SLC16A10: variants seen among roughly 807,000 people sequenced by gnomAD.
The protein encoded by SLC16A10 is monocarboxylate transporter 10.
Under a neutral mutation model 40.0 loss-of-function variants are expected in SLC16A10, and 27 were observed. That is an observed-to-expected ratio of 0.67 (90% confidence interval 0.50 to 0.93). The LOEUF is 0.93. Among genes scored for constraint, SLC16A10 ranks in the 40% least tolerant of loss-of-function variants. The pLI is 0.00. For missense variants in SLC16A10, 529 were observed against 658.2 expected, an observed-to-expected ratio of 0.80 and a Z score of 2.15; for synonymous variants, 213 against 249.8, an observed-to-expected ratio of 0.85 and a Z score of 1.39.
intron 1 of SLC16A10, among the ~76,000 whole-genome samples, chr6:111,102,685 G>A (rs1371356883): frequency 2.0e-5 from 3 of 152,000 alleles, no homozygotes; most frequent in Non-Finnish European, 4.4e-5. Flanking sequence ...GCGGGGGATA[G>A]GAATGGAAAT....
intron 1 of SLC16A10, among the ~76,000 whole-genome samples, chr6:111,165,224 T>A (rs1004513954): frequency 6.6e-6 from 1 of 152,202 alleles, no homozygotes; most frequent in African/African-American, 2.4e-5. Context: ...GAGGGATTTA[T>A]CTGCTTTTAA....
At chr6:111,212,848 A>G (rs900600349) in intron 4 of SLC16A10, among the ~76,000 whole-genome samples, 10 of 152,152 alleles carry the variant, frequency 6.6e-5, no homozygotes, top group African/African-American at 2.4e-4. Flanking sequence ...TCCTGCCAGA[A>G]GAGATGACTG....
intron 1 of SLC16A10, among the ~76,000 whole-genome samples, chr6:111,100,992 C>CTCTCTCTA (rs1410556945): frequency 1.2e-4 from 8 of 66,422 alleles, no homozygotes; most frequent in African/African-American, 5.2e-4. Flanking sequence ...CTCTCTCTCT[C>CTCTCTCTA]TATATATATA....
chr6:111,205,279 A>G (rs1459712887), intron 3 of SLC16A10, among the ~76,000 whole-genome samples: 2 of 152,204 alleles, frequency 1.3e-5, no homozygotes, highest in Non-Finnish European at 2.9e-5. Flanking sequence ...CAGAAAGTCT[A>G]TGCACTGCCA....
chr6:111,182,330 TTTC>T (rs1278865626), intron 3 of SLC16A10, among the ~76,000 whole-genome samples: 6 of 145,926 alleles, frequency 4.1e-5, no homozygotes, highest in African/African-American at 1.5e-4. Flanking sequence ...TTTTTTTTTT[TTTC>T]CTTTTTAACG....
At chr6:111,207,775 G>A (rs1426849870) in intron 4 of SLC16A10, among the ~76,000 whole-genome samples, 2 of 152,098 alleles carry the variant, frequency 1.3e-5, no homozygotes, top group African/African-American at 4.8e-5. Context: ...GTGGAGGTGT[G>A]ACATGGGATG....
At chr6:111,171,532 A>G (rs560727099) in intron 1 of SLC16A10, among the ~76,000 whole-genome samples, 14 of 152,328 alleles carry the variant, frequency 9.2e-5, no homozygotes, top group African/African-American at 3.4e-4. Context: ...TAAAATACAT[A>G]TAATTTTCAT....
intron 3 of SLC16A10, chr6:111,178,306 A>G: frequency 2.0e-6 from 1 of 492,114 alleles, no homozygotes. Flanking sequence ...GAGAAAAGTT[A>G]CTCAAGATCT....
rs192404552 is a variant in SLC16A10 at position 111,206,545 on chromosome 6, A to G, written c.943-47A>G. On this transcript the variant is annotated intron_variant, in intron 3 of 5. Coordinates refer to ENST00000368851, the MANE Select transcript of SLC16A10 (RefSeq NM_018593.5). ...TTGATGCAAAGCCTCAAATTTGTCAAGTTTTTCTACCATATTCAGTGTGGT... is the reference window on the plus strand; with the variant it reads ...TTGATGCAAAGCCTCAAATTTGTCAGGTTTTTCTACCATATTCAGTGTGGT... 3.1e-6 allele frequency: 5 copies of G among 1,608,268 alleles called. No individual in the cohort carries two copies. In the Admixed American group the frequency reaches 6.8e-5, roughly 22 times the overall value.
intron 1 of SLC16A10, among the ~76,000 whole-genome samples, chr6:111,103,026 C>T (rs1275156840): frequency 2.6e-5 from 4 of 152,254 alleles, no homozygotes; most frequent in East Asian, 3.9e-4. Flanking sequence ...CCACCTCAGC[C>T]TCCTGAGTAG....
intron 1 of SLC16A10, among the ~76,000 whole-genome samples, chr6:111,097,738 A>G (rs1340348829): frequency 2.0e-5 from 3 of 152,144 alleles, no homozygotes; most frequent in Non-Finnish European, 4.4e-5. Context: ...AGAACTTCTG[A>G]TCTATGCCTC....
At chr6:111,186,021 TC>T (rs1261745391) in intron 3 of SLC16A10, among the ~76,000 whole-genome samples, 4 of 151,832 alleles carry the variant, frequency 2.6e-5, no homozygotes, top group African/African-American at 9.7e-5. Context: ...CACCTCAGCC[TC>T]CCAAGTAGCT....
At chr6:111,093,765 A>G (rs1771025232) in intron 1 of SLC16A10, among the ~76,000 whole-genome samples, 1 of 152,204 alleles carries the variant, frequency 6.6e-6, no homozygotes, top group African/African-American at 2.4e-5. Context: ...TATAAGAAAA[A>G]TACCTGATTG....
chr6:111,103,561 G>T (rs1051784294), intron 1 of SLC16A10, among the ~76,000 whole-genome samples: 2 of 152,108 alleles, frequency 1.3e-5, no homozygotes, highest in Non-Finnish European at 2.9e-5. Flanking sequence ...TGAGAGCCAC[G>T]CAAGAAACAA....
At chr6:111,174,889 G>A (rs1038657415) in intron 2 of SLC16A10, among the ~76,000 whole-genome samples, 2 of 152,102 alleles carry the variant, frequency 1.3e-5, no homozygotes, top group African/African-American at 4.8e-5. Flanking sequence ...CATATATTTT[G>A]ATGTGACCCA....
At chr6:111,123,495 T>TATTA (rs1412438171) in intron 1 of SLC16A10, among the ~76,000 whole-genome samples, 3 of 152,240 alleles carry the variant, frequency 2.0e-5, no homozygotes, top group African/African-American at 7.2e-5. Flanking sequence ...CTTTGTCTGG[T>TATTA]ATTAGTCCAC....
intron 1 of SLC16A10, among the ~76,000 whole-genome samples, chr6:111,128,942 A>G (rs1247014300): frequency 1.6e-5 from 2 of 127,552 alleles, no homozygotes; most frequent in African/African-American, 5.0e-5. Context: ...ATTCAAAAAT[A>G]AAACAATTTT....
intron 1 of SLC16A10, among the ~76,000 whole-genome samples, chr6:111,127,162 T>G (rs557199098): frequency 6.6e-6 from 1 of 152,358 alleles, no homozygotes; most frequent in Admixed American, 6.5e-5. Flanking sequence ...CTTACTCTGA[T>G]GGAATTTACA....
Position 111,227,092 on chromosome 6 carries a change from CT to C in SLC16A10, c.*4858del, listed in dbSNP as rs1356133090. The C allele has an allele frequency of 1.3e-5, 2 of 152,296 alleles. No homozygotes were observed. Among genetic ancestry groups the C allele is most frequent in the Non-Finnish European group, 2.9e-5 (2 of 68,106 alleles). The allele number at this position is 152,296 out of a possible 1,614,324, so 9.4% of individuals were successfully genotyped here. A position where few individuals can be genotyped will look rare whatever the true frequency, so the allele number is the denominator to read the frequency against. On this transcript the variant is annotated 3_prime_UTR_variant, in exon 6 of 6. Coordinates refer to ENST00000368851, the MANE Select transcript of SLC16A10 (RefSeq NM_018593.5). ...AGTGAGCTGTGGTTGCACCACTGCA[CT>C]CCAGCCTGGGTGACAAAATGAGACC... is the stretch of plus-strand genomic sequence containing the variant.
Sources: gnomAD v4.1 joint callset for allele counts (sites outside exome capture counted in the v4.1 genomes callset) on GRCh38, gnomAD v4.1.1 for gene constraint, MANE v1.5 for transcripts, NCBI Gene and HGNC (gene_info 2026-07-23, HGNC 2026-07-21) for gene names.